Variants in HTRA1 observed in about 807,000 individuals in gnomAD.
HTRA1 encodes serine protease HTRA1.
A neutral mutation model predicts 49.7 loss-of-function variants in HTRA1; 26 were observed. The observed-to-expected ratio is 0.52, with a 90% CI of 0.38 to 0.73. The LOEUF (loss-of-function observed/expected upper bound fraction) is 0.73, where lower values mean the gene tolerates loss of function less well. Ranked by LOEUF, HTRA1 falls within the 30% of genes least tolerant of loss-of-function variation. HTRA1 has a pLI of 0.00. For missense variants in HTRA1, 561 were observed against 667.2 expected (o/e 0.84, Z 1.75); for synonymous variants, 291 against 286.9 (o/e 1.01, Z -0.14).
At chr10:122,495,646 C>T (rs933847971) in intron 3 of HTRA1, among the ~76,000 whole-genome samples, 161 of 152,260 alleles carry the variant, frequency 1.1e-3, no homozygotes, top group African/African-American at 3.8e-3. Context: ...CTATATTTTT[C>T]TCTTAATATG....
intron 1 of HTRA1, among the ~76,000 whole-genome samples, chr10:122,485,451 G>A (rs1375498128): frequency 6.6e-6 from 1 of 152,188 alleles, no homozygotes; most frequent in East Asian, 1.9e-4. Context: ...CCTGCAGCAC[G>A]CTGGGGAGAG....
chr10:122,491,996 G>A (rs2097496089), intron 3 of HTRA1, among the ~76,000 whole-genome samples: 1 of 152,124 alleles, frequency 6.6e-6, no homozygotes, highest in East Asian at 1.9e-4. Context: ...TTTGATGATG[G>A]GTTATTTCGG....
At position 122,462,178 on chromosome 10, in the gene HTRA1, C is replaced by T. The variant is rs373484385; in HGVS notation, c.472+54C>T. On this transcript the variant is annotated intron_variant, in intron 1 of 8. Transcript: ENST00000368984. ...CCACTCTCTCCATCCCAGCTCGGAC[C>T]TGCTTCTGCGGGACTGGTGGGCAGG... 21 of 1,415,582 alleles carry T rather than the reference C, an allele frequency of 1.5e-5. No individual in the cohort carries two copies. In the East Asian group the frequency reaches 3.1e-4, roughly 21 times the overall value. The allele number at this position is 1,415,582 out of a possible 1,614,324, so 87.7% of individuals were successfully genotyped here.
rs970561071 is a variant in HTRA1, at chr10:122,497,816, G to A, written c.777+8190G>A. Among the ~76,000 whole-genome samples, 14 of 152,286 alleles carry A rather than the reference G, an allele frequency of 9.2e-5. No homozygotes were observed. The South Asian group carries it at 1.5e-3, about 16-fold the overall frequency. ...AAATATTTCTGGAGCATCTGCCATG[G>A]CCACATGCTGTTGTAGCAGCATCAG... is the stretch of plus-strand genomic sequence containing the variant. On this transcript the variant is annotated intron_variant, in intron 3 of 8. Transcript: ENST00000368984.
At chr10:122,493,105 C>T (rs544044157) in intron 3 of HTRA1, among the ~76,000 whole-genome samples, 74 of 152,308 alleles carry the variant, frequency 4.9e-4, no homozygotes, top group Admixed American at 1.8e-3. Flanking sequence ...GACACATGTG[C>T]GCTCACTTTG....
At chr10:122,499,586 G>A (rs901208695) in intron 3 of HTRA1, among the ~76,000 whole-genome samples, 2 of 152,022 alleles carry the variant, frequency 1.3e-5, no homozygotes, top group Non-Finnish European at 2.9e-5. Flanking sequence ...CTGCCCATGT[G>A]CTCACTTCCC....
chr10:122,485,893 C>G (rs1484387941), intron 1 of HTRA1, among the ~76,000 whole-genome samples: 2 of 152,244 alleles, frequency 1.3e-5, no homozygotes, highest in African/African-American at 4.8e-5. Context: ...AGTTAAACCT[C>G]TTCTTGGCCT....
intron 1 of HTRA1, among the ~76,000 whole-genome samples, chr10:122,475,713 T>C (rs2097488157): frequency 6.6e-6 from 1 of 152,212 alleles, no homozygotes; most frequent in African/African-American, 2.4e-5. Context: ...TGCATTTTCT[T>C]TGCAGAATTC....
chr10:122,483,933 G>A (rs1310206640), intron 1 of HTRA1, among the ~76,000 whole-genome samples: 5 of 152,030 alleles, frequency 3.3e-5, no homozygotes, highest in East Asian at 1.9e-4. Context: ...ATTGATAAAC[G>A]CAGTCATATA....
rs886111198 is a variant in HTRA1, at chr10:122,490,506, G to T, written c.777+880G>T. Among the ~76,000 whole-genome samples, 2 of 152,152 alleles carry T rather than the reference G, an allele frequency of 1.3e-5. No homozygotes were observed. Among genetic ancestry groups the T allele is most frequent in the Non-Finnish European group, 2.9e-5 (2 of 68,042 alleles). ...CGATGAGAGAGGTTTTGTTTGCTGTGTGGCATGTTCAGTGAAAGCGTGGTT... is the reference window on the plus strand; with the variant it reads ...CGATGAGAGAGGTTTTGTTTGCTGTTTGGCATGTTCAGTGAAAGCGTGGTT... On this transcript the variant is annotated intron_variant, in intron 3 of 8. Coordinates refer to ENST00000368984, the MANE Select transcript of HTRA1 (RefSeq NM_002775.5). This position sits in a 1 kb window ranked among gnomAD's most constrained non-coding sequence, Gnocchi z 4.2.
chr10:122,512,890 AT>A (rs1028641988), intron 8 of HTRA1, among the ~76,000 whole-genome samples: 3 of 152,054 alleles, frequency 2.0e-5, no homozygotes, highest in African/African-American at 7.2e-5. Flanking sequence ...AGTCCATTGT[AT>A]CATTCTTATG....
intron 3 of HTRA1, among the ~76,000 whole-genome samples, chr10:122,496,225 GTTCTTTTTTTTT>G (rs1377987527): frequency 0.13 from 10,144 of 80,146 alleles, 2,051 homozygotes; most frequent in Admixed American, 0.33. Context: ...GAGATTGTGG[GTTCTTTTTTTTT>G]TTTTTTTTTT....
At chr10:122,468,380 G>A (rs1430506969) in intron 1 of HTRA1, among the ~76,000 whole-genome samples, 1 of 150,408 alleles carries the variant, frequency 6.6e-6, no homozygotes, top group Non-Finnish European at 1.5e-5. Flanking sequence ...TAGAACTCAG[G>A]CAATATTAGC....
At chr10:122,475,560 A>G (rs1317570616) in intron 1 of HTRA1, among the ~76,000 whole-genome samples, 2 of 152,274 alleles carry the variant, frequency 1.3e-5, no homozygotes, top group East Asian at 3.8e-4. Flanking sequence ...GTGTATTTTA[A>G]CAAGAGTAGG....
chr10:122,479,895 G>A (rs576505930), intron 1 of HTRA1, among the ~76,000 whole-genome samples: 14 of 152,270 alleles, frequency 9.2e-5, no homozygotes, highest in African/African-American at 2.2e-4. Context: ...CTGAATTAGC[G>A]TAGAGTGGGA....
chr10:122,504,546 CA>C (rs2097502270), intron 3 of HTRA1, among the ~76,000 whole-genome samples: 2 of 152,210 alleles, frequency 1.3e-5, no homozygotes, highest in African/African-American at 4.8e-5. Flanking sequence ...CACCCCGCTC[CA>C]TTAACCTGTG....
chr10:122,467,210 C>T (rs2097484130), intron 1 of HTRA1, among the ~76,000 whole-genome samples: 1 of 152,178 alleles, frequency 6.6e-6, no homozygotes, highest in African/African-American at 2.4e-5. Flanking sequence ...TAGCTCTGGT[C>T]AGGCTTAATT....
At chr10:122,478,997 T>C (rs1318248088) in intron 1 of HTRA1, among the ~76,000 whole-genome samples, 1 of 152,258 alleles carries the variant, frequency 6.6e-6, no homozygotes, top group Non-Finnish European at 1.5e-5. Flanking sequence ...GGACAGTGCA[T>C]TAAAATGCCA....
chr10:122,491,169 C>G (rs1364903766), intron 3 of HTRA1, among the ~76,000 whole-genome samples: 1 of 152,132 alleles, frequency 6.6e-6, no homozygotes, highest in Non-Finnish European at 1.5e-5. Flanking sequence ...CTGTGTTATC[C>G]CCATTTTAGA....
Sources: allele counts gnomAD v4.1 joint callset (sites outside exome capture counted in the v4.1 genomes callset), GRCh38; gene constraint gnomAD v4.1.1; non-coding constraint Gnocchi (gnomAD v3.1); transcripts MANE v1.5; gene names NCBI Gene and HGNC (gene_info 2026-07-23, HGNC 2026-07-21).